The following PCSK5 variants were observed in gnomAD, a reference collection of about 807,000 sequenced individuals.
The protein encoded by PCSK5 is prohormone convertase 5.
Under a neutral mutation model 233.2 loss-of-function variants are expected in PCSK5, and 129 were observed. That is an observed-to-expected ratio of 0.55 (90% confidence interval 0.48 to 0.64). The LOEUF is 0.64. Ranked by LOEUF, PCSK5 falls within the 30% of genes least tolerant of loss-of-function variation. PCSK5 has a pLI of 0.00. For synonymous variants in PCSK5, 825 were observed against 879.2 expected, an observed-to-expected ratio of 0.94 and a Z score of 1.09; for missense variants, 2,076 against 2,430.1, an observed-to-expected ratio of 0.85 and a Z score of 3.06.
chr9:76,035,878 A>G (rs1481025069), intron 5 of PCSK5, among the ~76,000 whole-genome samples: 1 of 152,010 alleles, frequency 6.6e-6, no homozygotes, highest in Non-Finnish European at 1.5e-5. Flanking sequence ...TCTTTATTTC[A>G]TTACTAAACA....
At chr9:76,143,861 A>G (rs7035887) in intron 10 of PCSK5, among the ~76,000 whole-genome samples, 2,142 of 152,078 alleles carry the variant, frequency 0.014, 42 homozygotes, top group African/African-American at 0.049. Flanking sequence ...AAGCCTTCAC[A>G]TATTTCCTTT....
At chr9:76,344,120 T>C (rs1006437079) in intron 35 of PCSK5, among the ~76,000 whole-genome samples, 13 of 152,212 alleles carry the variant, frequency 8.5e-5, no homozygotes, top group Non-Finnish European at 1.6e-4. Flanking sequence ...TAGCCATATT[T>C]CAACTGCTCA....
At position 76,319,883 on chromosome 9, in the gene PCSK5, A is replaced by T. The variant is rs543264880; in HGVS notation, c.3885-1539A>T. Among the ~76,000 whole-genome samples, 19 of 152,274 alleles carry T rather than the reference A, an allele frequency of 1.2e-4. No homozygotes were observed. In the East Asian group the frequency reaches 3.5e-3, roughly 28 times the overall value. On this transcript the variant is annotated intron_variant, in intron 30 of 37. Transcript: ENST00000674117. The stretch of plus-strand genomic sequence containing the variant: ...TCTTAAAGTCTTTGATCTTTCTTAT[A>T]AGTGCAGAGAAGAAAACGCTGACGT...
At chr9:76,152,768 G>A (rs1184713774) in intron 10 of PCSK5, among the ~76,000 whole-genome samples, 1 of 152,022 alleles carries the variant, frequency 6.6e-6, no homozygotes, top group African/African-American at 2.4e-5. Flanking sequence ...TTTTTTTCCT[G>A]CTGAGCTTTC....
chr9:76,013,098 T>C (rs895076932), intron 3 of PCSK5, among the ~76,000 whole-genome samples: 4 of 152,122 alleles, frequency 2.6e-5, no homozygotes, highest in Non-Finnish European at 4.4e-5. Context: ...TAATAAGTCT[T>C]TTTTGTCCTT....
At chr9:76,322,986 A>G in intron 31 of PCSK5, 66 bp from the exon 32 acceptor site, 1 of 849,674 alleles carries the variant, frequency 1.2e-6, no homozygotes, top group Admixed American at 2.1e-5. Flanking sequence ...GAGCTAGCCT[A>G]CTGCAGACAA....
Position 76,201,422 on chromosome 9 carries a change from C to G in PCSK5, c.2626+11676C>G, listed in dbSNP as rs1824911066. On this transcript the variant is annotated intron_variant, in intron 20 of 37. Transcript: ENST00000674117. ...ATAAGGAAACAGATGAGGTAAATGC[C>G]TAAGGTACTCCAGTGGTAGATAGAA... Among the ~76,000 whole-genome samples the G allele has an allele frequency of 2.0e-5, 3 of 152,250 alleles. No individual in the cohort carries two copies. The South Asian group carries it at 6.2e-4, about 32-fold the overall frequency.
chr9:76,267,116 T>C (rs1827357011), intron 24 of PCSK5, among the ~76,000 whole-genome samples: 1 of 152,186 alleles, frequency 6.6e-6, no homozygotes, highest in South Asian at 2.1e-4. Flanking sequence ...AATCAGAACC[T>C]GCAGTGTCTG....
chr9:76,064,780 G>A (rs1204677927), intron 5 of PCSK5, among the ~76,000 whole-genome samples: 3 of 149,332 alleles, frequency 2.0e-5, no homozygotes, highest in South Asian at 2.2e-4. Flanking sequence ...ATGGGGCGGC[G>A]GGGCAGAGGC....
chr9:76,218,575 TAAAG>T (rs1825621557), intron 20 of PCSK5, among the ~76,000 whole-genome samples: 1 of 152,126 alleles, frequency 6.6e-6, no homozygotes, highest in Non-Finnish European at 1.5e-5. Flanking sequence ...ATAACACAAT[TAAAG>T]AAACAGAATC....
At position 75,926,726 on chromosome 9, in the gene PCSK5, T is replaced by A. The variant is rs928022470; in HGVS notation, c.193-5653T>A. 2.0e-5 allele frequency among the ~76,000 whole-genome samples: 3 copies of A among 152,230 alleles called. No homozygotes were observed. The East Asian group carries it at 5.8e-4, about 29-fold the overall frequency. On this transcript the variant is annotated intron_variant, in intron 1 of 37. Transcript: ENST00000674117. ...GTTTTTGTGTTAACATATTTTGAAA[T>A]GTATTCATGATTGATTGTTCCTCTT...
rs746703164 is a variant in PCSK5, at chr9:76,323,281, G to A, written c.4332G>A (p.Glu1444=). ...CCTATTATGAAAAGGAGACTAAGGA[G>A]TGCAGAGGTAAAGACTTCTGGGATT... ...AGTYYEKETK[E]CRDCHKSCLT... Residue 1444 remains glutamate (E), a synonymous_variant, in exon 32 of 38, where the codon GAG becomes GAA. Coordinates refer to ENST00000674117, the MANE Select transcript of PCSK5 (RefSeq NM_001372043.1). 6.3e-7 allele frequency: 1 copy of A among 1,592,734 alleles called. No individual in the cohort carries two copies. The highest frequency in any genetic ancestry group is 8.6e-7 in the Non-Finnish European group (1 of 1,161,810).
intron 5 of PCSK5, among the ~76,000 whole-genome samples, chr9:76,040,672 T>A (rs1458968560): frequency 1.3e-5 from 2 of 152,164 alleles, no homozygotes; most frequent in African/African-American, 4.8e-5. Context: ...CAAACCCATG[T>A]TCCTTGTATC....
intron 10 of PCSK5, among the ~76,000 whole-genome samples, chr9:76,134,562 G>A (rs1162669842): frequency 1.3e-5 from 2 of 151,774 alleles, no homozygotes; most frequent in Non-Finnish European, 1.5e-5. Context: ...ACCTTCTATA[G>A]GACTACTTCC....
intron 1 of PCSK5, among the ~76,000 whole-genome samples, chr9:75,901,520 T>G (rs1826033502): frequency 6.6e-6 from 1 of 151,674 alleles, no homozygotes; most frequent in Non-Finnish European, 1.5e-5. Context: ...ACCTAATGCA[T>G]GCAGGGCTTA....
intron 10 of PCSK5, among the ~76,000 whole-genome samples, chr9:76,151,222 AG>A (rs1823660677): frequency 6.6e-6 from 1 of 152,164 alleles, no homozygotes; most frequent in African/African-American, 2.4e-5. Flanking sequence ...AAGAATCCAA[AG>A]GTGCTAGGAC....
At chr9:75,934,383 T>C (rs1368137535) in intron 2 of PCSK5, among the ~76,000 whole-genome samples, 1 of 152,064 alleles carries the variant, frequency 6.6e-6, no homozygotes, top group Non-Finnish European at 1.5e-5. Context: ...TTTCTTGTAG[T>C]TCATTTATTC....
chr9:75,961,428 C>G (rs1825348968), intron 2 of PCSK5, among the ~76,000 whole-genome samples: 1 of 152,328 alleles, frequency 6.6e-6, no homozygotes, highest in African/African-American at 2.4e-5. Flanking sequence ...TCAAATCTGA[C>G]TCCTGAATAT....
At chr9:75,915,575 C>A (rs1408195679) in intron 1 of PCSK5, among the ~76,000 whole-genome samples, 1 of 152,148 alleles carries the variant, frequency 6.6e-6, no homozygotes. Context: ...ACTTATGAAG[C>A]CCTGTTCTTT....
Sources: gnomAD v4.1 joint callset for allele counts (sites outside exome capture counted in the v4.1 genomes callset) on GRCh38, gnomAD v4.1.1 for gene constraint, MANE v1.5 for transcripts, NCBI Gene and HGNC (gene_info 2026-07-23, HGNC 2026-07-21) for gene names.